The following TDRD12 variants were observed in gnomAD, a reference collection of about 807,000 sequenced individuals.
TDRD12 encodes tudor domain containing 12.
Under a neutral mutation model 133.5 loss-of-function variants are expected in TDRD12, and 158 were observed. That is an observed-to-expected ratio of 1.18 (90% CI 1.04 to 1.35). TDRD12 has a LOEUF of 1.35. Among genes scored for constraint, TDRD12 ranks in the 40% most tolerant of loss-of-function variants. TDRD12 has a pLI of 0.00. For synonymous variants in TDRD12, 460 were observed against 477.9 expected, an observed-to-expected ratio of 0.96 and a Z score of 0.49; for missense variants, 1,443 against 1,321.3, an observed-to-expected ratio of 1.09 and a Z score of -1.43.
At chr19:32,826,959 C>T (rs1967612706) in intron 9 of TDRD12, among the ~76,000 whole-genome samples, 1 of 152,254 alleles carries the variant, frequency 6.6e-6, no homozygotes, top group African/African-American at 2.4e-5. Context: ...TTTAATAACA[C>T]ACTACAGATA....
At chr19:32,749,352 C>A (rs1969752462) in intron 5 of TDRD12, among the ~76,000 whole-genome samples, 1 of 151,710 alleles carries the variant, frequency 6.6e-6, no homozygotes, top group South Asian at 2.1e-4. Flanking sequence ...TGTACTTAAC[C>A]TTGAAGGTAG....
At chr19:32,719,859 G>GC in exon 1 of TDRD12, 1 of 605,324 alleles carries the variant, frequency 1.7e-6, no homozygotes, top group East Asian at 2.8e-5. Context: ...CTGCCAGGAC[G>GC]GAGCGCATTG....
At position 32,784,678 on chromosome 19, in the gene TDRD12, A is replaced by G. The variant is rs570128157; in HGVS notation, c.1122-5853A>G. ...CAATTTCAGAACCTGTTACTGGTCT[A>G]TTCAGAGATTCGACTTCTTCCTGGT... On this transcript the variant is annotated intron_variant, in intron 11 of 27. Transcript: ENST00000444215. Among the ~76,000 whole-genome samples the G allele has an allele frequency of 3.7e-3, 556 of 152,296 alleles. 2 individuals are homozygous for G. Among genetic ancestry groups the G allele is most frequent in the African/African-American group, 0.013 (545 of 41,576 alleles).
chr19:32,726,237 C>T (rs925099004), intron 1 of TDRD12, among the ~76,000 whole-genome samples: 3 of 152,032 alleles, frequency 2.0e-5, no homozygotes, highest in Non-Finnish European at 2.9e-5. Flanking sequence ...CCCACCACCA[C>T]GCCTGGCTAA....
chr19:32,774,884 C>G (rs887965475), intron 10 of TDRD12, among the ~76,000 whole-genome samples: 1 of 151,714 alleles, frequency 6.6e-6, no homozygotes, highest in African/African-American at 2.4e-5. Context: ...ACTCGGGAGG[C>G]AGAGGCATGA....
chr19:32,738,814 A>G, intron 2 of TDRD12, 42 bp from the exon 3 acceptor site: 1 of 1,543,292 alleles, frequency 6.5e-7, no homozygotes, highest in South Asian at 1.2e-5. Flanking sequence ...CTCTGTCTCA[A>G]AAAAATAAAT....
At chr19:32,736,775 C>T (rs1231735793) in intron 2 of TDRD12, among the ~76,000 whole-genome samples, 2 of 152,200 alleles carry the variant, frequency 1.3e-5, no homozygotes, top group African/African-American at 2.4e-5. Flanking sequence ...GGTTAGCATA[C>T]GGTTTATTAG....
At chr19:32,800,249 G>A (rs1401101598) in exon 17 of TDRD12, 1 of 1,535,006 alleles carries the variant, frequency 6.5e-7, no homozygotes, top group South Asian at 1.2e-5. Flanking sequence ...GTTGCAGTTG[G>A]AGTTCATTGG....
rs1001422984 is a variant in TDRD12, at chr19:32,826,563, A to G, written c.1015A>G (p.Arg339Gly). 7 of 1,240,556 alleles carry G rather than the reference A, an allele frequency of 5.6e-6. No individual in the cohort carries two copies. The African/African-American group carries it at 1.1e-4, about 19-fold the overall frequency. The allele number at this position is 1,240,556 out of a possible 1,614,324, so 76.8% of individuals were successfully genotyped here. ...ACCTGTAATCACTCTGGCCAAAGAG[A>G]GAAGGGAGGCATGGTGTCACCTACT... Residue 339 changes from arginine to glycine, a missense_variant, in exon 9 of 10, where the codon AGA (arginine) becomes GGA (glycine). Transcript: ENST00000637289.
intron 27 of TDRD12, among the ~76,000 whole-genome samples, chr19:32,820,668 C>T (rs1418566983): frequency 6.6e-6 from 1 of 152,128 alleles, no homozygotes; most frequent in Admixed American, 6.6e-5. Context: ...AAACTGGTAA[C>T]AGGGGTGGTC....
At position 32,797,946 on chromosome 19, in the gene TDRD12, C is replaced by T. The variant is rs1314924964; in HGVS notation, c.1630+55C>T. Reference sequence around the variant, plus strand: ...GTTAAAGTATCCTTTTCACTGTCTTCCCTACAGAAGACAGTGGAGCCTGGC... The same window carrying T: ...GTTAAAGTATCCTTTTCACTGTCTTTCCTACAGAAGACAGTGGAGCCTGGC... On this transcript the variant is annotated intron_variant, in intron 15 of 27. Coordinates refer to ENST00000444215, the Ensembl canonical transcript of TDRD12. 12 of 639,244 alleles carry T rather than the reference C, an allele frequency of 1.9e-5. No individual in the cohort carries two copies. In the Admixed American group the frequency reaches 3.1e-4, roughly 17 times the overall value. 39.6% of individuals were successfully genotyped at this position (639,244 alleles called of 1,614,324 possible).
intron 22 of TDRD12, among the ~76,000 whole-genome samples, chr19:32,809,405 C>T (rs1471985609): frequency 3.9e-5 from 6 of 152,350 alleles, no homozygotes; most frequent in Non-Finnish European, 7.3e-5. Context: ...TCCTCCTGCA[C>T]AGGCACAGAC....
In TDRD12 at chr19:32,809,679, C is replaced by T. The variant is rs546384350; in HGVS notation, c.2653-414C>T. Among the ~76,000 whole-genome samples, 3 of 152,284 alleles carry T rather than the reference C, an allele frequency of 2.0e-5. No individual in the cohort carries two copies. In the South Asian group the frequency reaches 6.2e-4, roughly 32 times the overall value. ...TAGGTCCCTGTAGGACAGTTTCATC[C>T]CTGTAACCCTGGAGGCTGATATACA... On this transcript the variant is annotated intron_variant, in intron 22 of 27. Coordinates refer to ENST00000444215, the Ensembl canonical transcript of TDRD12.
Position 32,745,798 on chromosome 19 carries a change from G to A in TDRD12, c.441-2678G>A, listed in dbSNP as rs1969591448. On this transcript the variant is annotated intron_variant, in intron 4 of 27. Transcript: ENST00000444215. Reference sequence around the variant, plus strand: ...GACTGGCTGATGTCATTCTGTGTGTGTGTGTGTGTGTGTGTGAGAGAGAAG... The same window carrying A: ...GACTGGCTGATGTCATTCTGTGTGTATGTGTGTGTGTGTGTGAGAGAGAAG... 1.5e-5 allele frequency among the ~76,000 whole-genome samples: 2 copies of A among 134,568 alleles called. 1 individual carries two copies. Among genetic ancestry groups the A allele is most frequent in the Admixed American group, 1.5e-4 (2 of 12,974 alleles). 88.3% of individuals were successfully genotyped at this position (134,568 alleles called of 152,430 possible).
downstream of TDRD12, among the ~76,000 whole-genome samples, chr19:32,823,185 C>T (rs530745191): frequency 6.6e-6 from 1 of 152,288 alleles, no homozygotes; most frequent in African/African-American, 2.4e-5. Flanking sequence ...GTGCTGAGAG[C>T]CCCAGAGGGT....
At chr19:32,753,614 C>G (rs1969900912) in intron 6 of TDRD12, among the ~76,000 whole-genome samples, 1 of 152,052 alleles carries the variant, frequency 6.6e-6, no homozygotes, top group Admixed American at 6.6e-5. Context: ...CACCATTCTC[C>G]TGCCTCAGCC....
chr19:32,788,521 TTTCTC>T (rs1228858665), intron 11 of TDRD12, among the ~76,000 whole-genome samples: 1 of 152,222 alleles, frequency 6.6e-6, no homozygotes, highest in African/African-American at 2.4e-5. Flanking sequence ...TTTGTTCTCT[TTTCTC>T]TTTTCTTTTT....
chr19:32,765,662 C>T (rs1418614227), intron 8 of TDRD12, among the ~76,000 whole-genome samples: 1 of 150,962 alleles, frequency 6.6e-6, no homozygotes, highest in African/African-American at 2.4e-5. Context: ...ACCACATGTT[C>T]TCACTCATAG....
At chr19:32,784,982 C>G in intron 11 of TDRD12, among the ~76,000 whole-genome samples, 1 of 152,146 alleles carries the variant, frequency 6.6e-6, no homozygotes, top group Non-Finnish European at 1.5e-5. Flanking sequence ...GTCACTATCT[C>G]CTTCAGTTCT....
Sources: gnomAD v4.1 joint callset for allele counts (sites outside exome capture counted in the v4.1 genomes callset) on GRCh38, gnomAD v4.1.1 for gene constraint, MANE v1.5 for transcripts, NCBI Gene and HGNC (gene_info 2026-07-23, HGNC 2026-07-21) for gene names.